TMEM131L: variants seen among roughly 807,000 people sequenced by gnomAD.
The protein encoded by TMEM131L is transmembrane 131 like, also known as transmembrane protein 131-like.
TMEM131L carries 54 observed loss-of-function variants against 192.2 expected under a neutral mutation model. The observed-to-expected ratio is 0.28, with a 90% CI of 0.23 to 0.35. TMEM131L has a LOEUF of 0.35. TMEM131L is among the 10% of genes least tolerant of loss of function. The pLI is 1.00. For synonymous variants in TMEM131L, 701 were observed against 704.9 expected, an observed-to-expected ratio of 0.99 and a Z score of 0.09; for missense variants, 1,888 against 1,972.9, an observed-to-expected ratio of 0.96 and a Z score of 0.82.
chr4:153,612,766 C>A (rs572061864), intron 26 of TMEM131L, among the ~76,000 whole-genome samples: 16 of 151,928 alleles, frequency 1.1e-4, no homozygotes, highest in Non-Finnish European at 2.2e-4. Context: ...CTGTCTTTGT[C>A]CTCATATCTA....
intron 3 of TMEM131L, among the ~76,000 whole-genome samples, chr4:153,520,330 G>A (rs1369977078): frequency 6.6e-6 from 1 of 152,050 alleles, no homozygotes; most frequent in South Asian, 2.1e-4. Context: ...AATTAGCTGG[G>A]TGTAGTGGCA....
At chr4:153,507,716 C>CA (rs982380820) in intron 3 of TMEM131L, among the ~76,000 whole-genome samples, 4 of 151,974 alleles carry the variant, frequency 2.6e-5, no homozygotes, top group Non-Finnish European at 2.9e-5. Flanking sequence ...AGATGCAAAA[C>CA]AAAAAAACAA....
At chr4:153,591,976 A>G (rs1469088023) in intron 17 of TMEM131L, among the ~76,000 whole-genome samples, 1 of 152,188 alleles carries the variant, frequency 6.6e-6, no homozygotes, top group African/African-American at 2.4e-5. Context: ...TTTGTGAGCC[A>G]TCTGAGTGTC....
chr4:153,467,381 T>C, intron 2 of TMEM131L, 100 bp downstream of exon 2: 1 of 1,013,382 alleles, frequency 9.9e-7, no homozygotes, highest in Admixed American at 2.3e-5. Context: ...GGCACAGGCG[T>C]TCGGGCCACT....
rs932718939 is a variant in TMEM131L, at chr4:153,555,333, C to T, written c.309-454C>T. On this transcript the variant is annotated intron_variant, in intron 4 of 34. Coordinates refer to ENST00000409959, the MANE Select transcript of TMEM131L (RefSeq NM_001131007.2). This position sits in a 1 kb window ranked among gnomAD's most constrained non-coding sequence, Gnocchi z 4.1. Reference sequence around the variant, plus strand: ...TTTTTCTGTGAGTACAGTTTCTTACCTAAACATATTTTCGTTTGTTTCAAT... The same window carrying T: ...TTTTTCTGTGAGTACAGTTTCTTACTTAAACATATTTTCGTTTGTTTCAAT... 4.6e-5 allele frequency among the ~76,000 whole-genome samples: 7 copies of T among 152,124 alleles called. No homozygotes were observed. The highest frequency in any genetic ancestry group is 8.8e-5 in the Non-Finnish European group (6 of 68,024).
chr4:153,566,988 A>G (rs563883409), intron 7 of TMEM131L, among the ~76,000 whole-genome samples: 1 of 152,328 alleles, frequency 6.6e-6, no homozygotes, highest in East Asian at 1.9e-4. Flanking sequence ...CGGGCTGCCT[A>G]CAGCGTGGTG....
intron 3 of TMEM131L, among the ~76,000 whole-genome samples, chr4:153,502,095 G>T (rs1733653100): frequency 6.6e-6 from 1 of 151,914 alleles, no homozygotes; most frequent in South Asian, 2.1e-4. Flanking sequence ...GGGACCACAG[G>T]TGCCCGCCAC....
intron 11 of TMEM131L, 110 bp from the exon 12 acceptor site, chr4:153,584,725 T>G: frequency 1.6e-6 from 1 of 633,008 alleles, no homozygotes; most frequent in South Asian, 2.8e-5. Flanking sequence ...ACTATTTTAA[T>G]GGAGACAGAA....
intron 7 of TMEM131L, among the ~76,000 whole-genome samples, chr4:153,568,037 G>A (rs748882984): frequency 2.0e-5 from 3 of 152,090 alleles, no homozygotes; most frequent in Non-Finnish European, 4.4e-5. Flanking sequence ...TATATGTTAA[G>A]GGGAAATTAA....
intron 28 of TMEM131L, among the ~76,000 whole-genome samples, chr4:153,622,589 G>A (rs13126683): frequency 1.3e-5 from 2 of 152,260 alleles, no homozygotes; most frequent in African/African-American, 2.4e-5. Context: ...GTGCAATAGA[G>A]TAGCCTCAGT....
rs1385827901 is a variant in TMEM131L at position 153,630,048 on chromosome 4, T to C, written c.4207+2361T>C. On this transcript the variant is annotated intron_variant, in intron 31 of 34. Coordinates refer to ENST00000409959, the MANE Select transcript of TMEM131L (RefSeq NM_001131007.2). ...TCCTTCTGAGACTTTGCATAACAAATGCCCTGGGAAAGATAGGTCAGAATA... is the reference window on the plus strand; with the variant it reads ...TCCTTCTGAGACTTTGCATAACAAACGCCCTGGGAAAGATAGGTCAGAATA... Among the ~76,000 whole-genome samples, 5 of 152,290 alleles carry C rather than the reference T, an allele frequency of 3.3e-5. No homozygotes were observed. In the South Asian group the frequency reaches 1.0e-3, roughly 32 times the overall value.
At chr4:153,576,900 A>G (rs769373330) in intron 7 of TMEM131L, among the ~76,000 whole-genome samples, 20 of 152,108 alleles carry the variant, frequency 1.3e-4, no homozygotes, top group East Asian at 9.6e-4. Context: ...GCCCACCTCT[A>G]TCCACTCATC....
At chr4:153,563,464 T>C (rs1182268046) in intron 7 of TMEM131L, among the ~76,000 whole-genome samples, 135 of 124,312 alleles carry the variant, frequency 1.1e-3, no homozygotes, top group African/African-American at 4.4e-3. Context: ...CCCTTTTTTT[T>C]TTTTTTTTTT....
intron 9 of TMEM131L, 136 bp from the exon 10 acceptor site, chr4:153,583,054 G>C: frequency 1.7e-6 from 1 of 600,640 alleles, no homozygotes; most frequent in Non-Finnish European, 3.0e-6. Context: ...TTTCAGTTTT[G>C]AGAAACAAGT....
chr4:153,511,329 C>T (rs758309335), intron 3 of TMEM131L, among the ~76,000 whole-genome samples: 3 of 152,100 alleles, frequency 2.0e-5, no homozygotes, highest in Non-Finnish European at 4.4e-5. Context: ...ATGTCCTTTG[C>T]GGGAACGTGA....
chr4:153,521,865 T>G (rs1174518447), intron 3 of TMEM131L, among the ~76,000 whole-genome samples: 164 of 37,256 alleles, frequency 4.4e-3, no homozygotes, highest in African/African-American at 0.017. Context: ...TTTCTGTGTT[T>G]TTTTTTTTTT....
At chr4:153,489,697 C>G (rs1732630773) in intron 3 of TMEM131L, among the ~76,000 whole-genome samples, 1 of 152,060 alleles carries the variant, frequency 6.6e-6, no homozygotes, top group Admixed American at 6.6e-5. Context: ...AGGCTGGTCT[C>G]AAACTCCTGA....
intron 20 of TMEM131L, among the ~76,000 whole-genome samples, chr4:153,597,328 G>T (rs1412331119): frequency 1.3e-5 from 2 of 150,566 alleles, no homozygotes; most frequent in African/African-American, 4.9e-5. Context: ...GAAGAACTAA[G>T]GTCCTAGGAA....
In TMEM131L at chr4:153,616,306, T is replaced by C. The variant is rs533780774; in HGVS notation, c.3567+3906T>C. ...TCTCTGTGACTCACTCCTTGTTTTG[T>C]AGAGCTGTTCTTTAAAATCCCTTGA... On this transcript the variant is annotated intron_variant, in intron 26 of 34. Transcript: ENST00000409959. Among the ~76,000 whole-genome samples, 8 of 152,372 alleles carry C rather than the reference T, an allele frequency of 5.3e-5. No individual in the cohort carries two copies. In the South Asian group the frequency reaches 1.4e-3, roughly 28 times the overall value.
Sources: allele counts gnomAD v4.1 joint callset (sites outside exome capture counted in the v4.1 genomes callset), GRCh38; gene constraint gnomAD v4.1.1; non-coding constraint Gnocchi (gnomAD v3.1); transcripts MANE v1.5; gene names NCBI Gene and HGNC (gene_info 2026-07-23, HGNC 2026-07-21).